Variants in RIMS2 observed in about 807,000 individuals in gnomAD.
The protein encoded by RIMS2 is regulating synaptic membrane exocytosis protein 2.
RIMS2 carries 59 observed loss-of-function variants against 174.4 expected under a neutral mutation model. The observed-to-expected ratio is 0.34, with a 90% CI of 0.27 to 0.42. RIMS2 has a LOEUF of 0.42. Among genes scored for constraint, RIMS2 ranks in the 10% least tolerant of loss-of-function variants. RIMS2 has a pLI of 1.00. For synonymous variants in RIMS2, 606 were observed against 572.5 expected, an observed-to-expected ratio of 1.06 and a Z score of -0.84; for missense variants, 1,620 against 1,666.3, an observed-to-expected ratio of 0.97 and a Z score of 0.48.
At chr8:103,784,188 G>T (rs930542958) in intron 3 of RIMS2, among the ~76,000 whole-genome samples, 4 of 149,612 alleles carry the variant, frequency 2.7e-5, no homozygotes, top group African/African-American at 7.4e-5. Context: ...AGATGAGTAG[G>T]TTGAGAAAAT....
chr8:103,906,556 G>T (rs1405360156), intron 4 of RIMS2, among the ~76,000 whole-genome samples: 3 of 152,048 alleles, frequency 2.0e-5, no homozygotes, highest in African/African-American at 4.8e-5. Context: ...TATATGACAG[G>T]TTTTTTTGTC....
intron 16 of RIMS2, among the ~76,000 whole-genome samples, chr8:103,982,632 A>C (rs917099948): frequency 6.6e-6 from 1 of 152,140 alleles, no homozygotes; most frequent in Non-Finnish European, 1.5e-5. Context: ...TCATATCATC[A>C]GAATGAAGTA....
At chr8:103,815,037 A>C (rs1338329251) in intron 3 of RIMS2, among the ~76,000 whole-genome samples, 2 of 152,206 alleles carry the variant, frequency 1.3e-5, no homozygotes, top group East Asian at 3.8e-4. Flanking sequence ...CCACTGTTTG[A>C]AAATTAAATT....
intron 4 of RIMS2, among the ~76,000 whole-genome samples, chr8:103,888,640 G>A (rs1030515061): frequency 6.6e-6 from 1 of 151,462 alleles, no homozygotes; most frequent in Non-Finnish European, 1.5e-5. Context: ...GTGCTTGAAA[G>A]CTTTTTTATA....
rs748285884 is a variant in RIMS2 at position 104,093,614 on chromosome 8, A to G, written c.3334+78999A>G. The G allele has an allele frequency of 4.3e-5, 68 of 1,596,824 alleles. No individual in the cohort carries two copies. In the Middle Eastern group the frequency reaches 6.6e-4, roughly 15 times the overall value. On this transcript the variant is annotated intron_variant, in intron 19 of 23. Transcript: ENST00000504942. ...GCACAAGCTACATGTCTGTCCAATC[A>G]GAACGCCCAGGAGGAAACAAGAAAA...
chr8:103,537,315 T>G (rs1353272651), intron 1 of RIMS2, among the ~76,000 whole-genome samples: 1 of 152,226 alleles, frequency 6.6e-6, no homozygotes, highest in Non-Finnish European at 1.5e-5. Flanking sequence ...CAAATGGCAT[T>G]GAATCCTGAA....
At chr8:104,061,409 C>T (rs1311364277) in intron 19 of RIMS2, among the ~76,000 whole-genome samples, 2 of 151,848 alleles carry the variant, frequency 1.3e-5, no homozygotes, top group African/African-American at 4.8e-5. Context: ...ATTCATAAAG[C>T]AAGTCGTGTA....
intron 1 of RIMS2, among the ~76,000 whole-genome samples, chr8:103,597,398 C>G (rs1369641658): frequency 6.6e-6 from 1 of 152,032 alleles, no homozygotes; most frequent in East Asian, 1.9e-4. Flanking sequence ...CCTCTTGTGT[C>G]CCTGTTTATG....
chr8:103,878,200 A>G (rs1403389412), intron 3 of RIMS2, among the ~76,000 whole-genome samples: 1 of 151,796 alleles, frequency 6.6e-6, no homozygotes, highest in Non-Finnish European at 1.5e-5. Flanking sequence ...TTCTGCTGTG[A>G]TTGTAAGTTT....
At chr8:103,715,904 T>A (rs2097362938) in intron 2 of RIMS2, among the ~76,000 whole-genome samples, 1 of 152,124 alleles carries the variant, frequency 6.6e-6, no homozygotes, top group South Asian at 2.1e-4. Context: ...GCTATGTTTT[T>A]TATTGTCTTT....
chr8:104,109,822 A>G (rs2098144689), intron 19 of RIMS2, among the ~76,000 whole-genome samples: 1 of 152,184 alleles, frequency 6.6e-6, no homozygotes, highest in South Asian at 2.1e-4. Context: ...GATTGTGGAC[A>G]ATGTTTATAA....
chr8:103,777,971 C>T (rs796381655), intron 3 of RIMS2, among the ~76,000 whole-genome samples: 1 of 151,904 alleles, frequency 6.6e-6, no homozygotes, highest in East Asian at 1.9e-4. Context: ...GGAACTCAAT[C>T]ATAGCATATA....
chr8:104,009,135 A>C (rs2095677473), intron 17 of RIMS2, among the ~76,000 whole-genome samples: 2 of 152,014 alleles, frequency 1.3e-5, no homozygotes, highest in South Asian at 4.1e-4. Context: ...TTATATACAA[A>C]TATGTATATA....
chr8:104,048,156 C>T (rs1321195797), intron 19 of RIMS2, among the ~76,000 whole-genome samples: 1 of 151,998 alleles, frequency 6.6e-6, no homozygotes, highest in Non-Finnish European at 1.5e-5. Context: ...AAATAAAAGG[C>T]ACACAAGTTG....
chr8:104,153,072 A>G (rs1309883761), intron 19 of RIMS2, among the ~76,000 whole-genome samples: 1 of 152,202 alleles, frequency 6.6e-6, no homozygotes, highest in Non-Finnish European at 1.5e-5. Flanking sequence ...ATATGTAAAT[A>G]ATAATTGGCA....
At chr8:103,870,111 C>G (rs1321207597) in intron 3 of RIMS2, among the ~76,000 whole-genome samples, 1 of 147,892 alleles carries the variant, frequency 6.8e-6, no homozygotes, top group Admixed American at 6.8e-5. Flanking sequence ...GGTCAGCTAA[C>G]AGCCGATAGC....
chr8:103,820,617 A>G (rs1240835306), intron 3 of RIMS2, among the ~76,000 whole-genome samples: 1 of 151,908 alleles, frequency 6.6e-6, no homozygotes, highest in Non-Finnish European at 1.5e-5. Flanking sequence ...AAGGCTTTTA[A>G]AATTTGTTGG....
At chr8:103,872,371 T>C (rs964558664) in intron 3 of RIMS2, among the ~76,000 whole-genome samples, 1 of 152,234 alleles carries the variant, frequency 6.6e-6, no homozygotes, top group Non-Finnish European at 1.5e-5. Context: ...ATAACAAGTT[T>C]GTTGTTAATT....
intron 10 of RIMS2, 172 bp downstream of exon 13, chr8:103,921,956 C>T (rs937505276): frequency 1.1e-4 from 43 of 392,446 alleles, no homozygotes; most frequent in Non-Finnish European, 1.7e-4. Flanking sequence ...TATCATACTG[C>T]TTCATTTATT....
Sources: allele counts gnomAD v4.1 joint callset (sites outside exome capture counted in the v4.1 genomes callset), GRCh38; gene constraint gnomAD v4.1.1; transcripts MANE v1.5; gene names NCBI Gene and HGNC (gene_info 2026-07-23, HGNC 2026-07-21).